SRGAP2B: variants seen among roughly 807,000 people sequenced by gnomAD.
SRGAP2B encodes SLIT-ROBO Rho GTPase activating protein 2B.
Under a neutral mutation model 22.2 loss-of-function variants are expected in SRGAP2B, and 9 were observed. That is an observed-to-expected ratio of 0.41 (90% confidence interval 0.24 to 0.71). The LOEUF (loss-of-function observed/expected upper bound fraction) is 0.71, where lower values mean the gene tolerates loss of function less well. SRGAP2B is among the 30% of genes least tolerant of loss of function. The pLI is 0.35. For synonymous variants in SRGAP2B, 36 were observed against 87.4 expected, an observed-to-expected ratio of 0.41 and a Z score of 3.28; for missense variants, 114 against 235.8, an observed-to-expected ratio of 0.48 and a Z score of 3.38.
chr1:144,984,370 A>AAAT (rs1284950522), intron 3 of SRGAP2B, among the ~76,000 whole-genome samples: 2 of 146,322 alleles, frequency 1.4e-5, no homozygotes, highest in Non-Finnish European at 3.0e-5. Context: ...AACAACAAAA[A>AAAT]AAAAAAAACA....
At chr1:145,007,923 C>CA (rs1390019113) in intron 2 of SRGAP2B, among the ~76,000 whole-genome samples, 1 of 100,890 alleles carries the variant, frequency 9.9e-6, no homozygotes, top group Admixed American at 1.0e-4. Context: ...TCTCTTGCCT[C>CA]AGCCTTCCAA....
In SRGAP2B at chr1:144,995,748, G is replaced by A. The variant is rs587689200; in HGVS notation, c.68-548C>T. Among the ~76,000 whole-genome samples the A allele has an allele frequency of 3.6e-4, 54 of 150,318 alleles. 2 individuals carry two copies. The highest frequency in any genetic ancestry group is 1.3e-3 in the African/African-American group (53 of 40,002). On this transcript the variant is annotated intron_variant, in intron 2 of 9. Coordinates refer to ENST00000612199, the Ensembl canonical transcript of SRGAP2B. ...TGTTGTTTACCATCTTCATGAAGTA[G>A]GATGAAGGTCAGGATATTTTAACGG...
At chr1:144,942,563 G>T (rs1270985897) in intron 4 of SRGAP2B, among the ~76,000 whole-genome samples, 32 of 150,650 alleles carry the variant, frequency 2.1e-4, no homozygotes, top group African/African-American at 7.5e-4. Flanking sequence ...GAGATTACAG[G>T]AATACACCAC....
chr1:144,997,622 T>C (rs587600003), intron 2 of SRGAP2B, among the ~76,000 whole-genome samples: 2 of 149,756 alleles, frequency 1.3e-5, no homozygotes, highest in Non-Finnish European at 2.9e-5. Context: ...GAATAGTTAG[T>C]TGGATGACAC....
At chr1:144,996,653 TTC>T (rs1441365639) in intron 2 of SRGAP2B, among the ~76,000 whole-genome samples, 1 of 140,526 alleles carries the variant, frequency 7.1e-6, no homozygotes, top group East Asian at 2.1e-4. Context: ...ACATTTTTGT[TTC>T]TGTTTTTACA....
intron 3 of SRGAP2B, among the ~76,000 whole-genome samples, chr1:144,992,358 T>A (rs1392353951): frequency 6.6e-6 from 1 of 151,038 alleles, no homozygotes; most frequent in Non-Finnish European, 1.5e-5. Context: ...GATTAACACA[T>A]CTGAACCTTA....
At chr1:145,088,546 C>T (rs1264206376) in intron 2 of SRGAP2B, among the ~76,000 whole-genome samples, 1 of 134,976 alleles carries the variant, frequency 7.4e-6, no homozygotes, top group African/African-American at 2.9e-5. Flanking sequence ...ACTATTTCTT[C>T]TGGAATATTT....
At chr1:144,920,575 T>A (rs1357089303) in intron 4 of SRGAP2B, among the ~76,000 whole-genome samples, 1 of 149,208 alleles carries the variant, frequency 6.7e-6, no homozygotes, top group African/African-American at 2.5e-5. Context: ...TTTAAAAAAA[T>A]TGTTTTCAGA....
chr1:145,076,043 T>C (rs1251751284), intron 2 of SRGAP2B, among the ~76,000 whole-genome samples: 2 of 150,428 alleles, frequency 1.3e-5, no homozygotes, highest in African/African-American at 5.0e-5. Context: ...AGGCAGAACA[T>C]ATATTATGCC....
intron 3 of SRGAP2B, among the ~76,000 whole-genome samples, chr1:144,993,576 T>C (rs1670428015): frequency 6.7e-6 from 1 of 149,490 alleles, no homozygotes; most frequent in Non-Finnish European, 1.5e-5. Flanking sequence ...GGTATGATGG[T>C]GCACACCTGC....
chr1:145,076,449 A>G (rs1652512415), intron 2 of SRGAP2B, among the ~76,000 whole-genome samples: 1 of 150,618 alleles, frequency 6.6e-6, no homozygotes, highest in African/African-American at 2.5e-5. Context: ...ATACATTCAT[A>G]CCATAGAATA....
chr1:144,922,891 G>GT (rs1664356848), intron 4 of SRGAP2B, among the ~76,000 whole-genome samples: 1 of 151,166 alleles, frequency 6.6e-6, no homozygotes, highest in South Asian at 2.1e-4. Context: ...TGTGTGAGCA[G>GT]TAACACTTGA....
At position 144,905,106 on chromosome 1, in the gene SRGAP2B, T is replaced by C. The variant is rs1422415636; in HGVS notation, c.816A>G (p.Leu272=). The change falls in exon 7 of 10, where the codon CTA becomes CTG. Residue 272 remains leucine, a synonymous_variant. Transcript: ENST00000612199. The stretch of plus-strand genomic sequence containing the variant: ...AAGCACTTACATCAATAAGGTCAGA[T>C]AGGTCATGGATGTAGTACTTGAAGA... 3.9e-6 allele frequency: 3 copies of C among 760,602 alleles called. No homozygotes were observed. The African/African-American group carries it at 5.2e-5, about 13-fold the overall frequency. 47.1% of individuals were successfully genotyped at this position (760,602 alleles called of 1,614,324 possible).
intron 5 of SRGAP2B, among the ~76,000 whole-genome samples, chr1:144,911,867 C>T (rs1663441281): frequency 6.9e-6 from 1 of 144,298 alleles, no homozygotes; most frequent in Non-Finnish European, 1.5e-5. Context: ...GATCCGCCCA[C>T]CTCAGCCTCC....
At chr1:144,916,138 C>T (rs1464113359) in intron 4 of SRGAP2B, among the ~76,000 whole-genome samples, 1 of 150,102 alleles carries the variant, frequency 6.7e-6, no homozygotes, top group Non-Finnish European at 1.5e-5. Context: ...CTAGAAACCT[C>T]AAAAAAGAAA....
At chr1:144,927,485 T>C (rs1217178378) in intron 4 of SRGAP2B, among the ~76,000 whole-genome samples, 5 of 150,806 alleles carry the variant, frequency 3.3e-5, no homozygotes, top group Non-Finnish European at 7.4e-5. Flanking sequence ...CTGCTTTCCA[T>C]TGCTTTTGTC....
intron 4 of SRGAP2B, among the ~76,000 whole-genome samples, chr1:144,925,026 CAG>C (rs1344035843): frequency 6.7e-6 from 1 of 148,230 alleles, no homozygotes; most frequent in Non-Finnish European, 1.5e-5. Context: ...TTTTTTGAGA[CAG>C]AGTCTCACTC....
intron 2 of SRGAP2B, among the ~76,000 whole-genome samples, chr1:145,063,267 T>C (rs1288085946): frequency 1.7e-5 from 2 of 116,488 alleles, no homozygotes; most frequent in Non-Finnish European, 3.5e-5. Context: ...GTTTCAACTA[T>C]AGCTGTCAAA....
intron 2 of SRGAP2B, among the ~76,000 whole-genome samples, chr1:145,062,568 T>TG (rs1308985847): frequency 6.6e-6 from 1 of 152,292 alleles, no homozygotes; most frequent in Non-Finnish European, 1.5e-5. Context: ...CCTAGAATGC[T>TG]GGACTTCTAT....
Sources: gnomAD v4.1 joint callset for allele counts (sites outside exome capture counted in the v4.1 genomes callset) on GRCh38, gnomAD v4.1.1 for gene constraint, MANE v1.5 for transcripts, NCBI Gene and HGNC (gene_info 2026-07-23, HGNC 2026-07-21) for gene names.